Variants in ANKRD11 observed in about 807,000 individuals in gnomAD.
ANKRD11 encodes the protein ankyrin repeat domain 11, also known as ankyrin repeat domain-containing protein 11.
In ANKRD11, 17 loss-of-function variants were observed where a neutral mutation model predicts 195.7. The ratio of observed to expected loss-of-function variants is 0.09; its 90% confidence interval spans 0.06 to 0.13. The LOEUF (loss-of-function observed/expected upper bound fraction) is 0.13, where lower values mean the gene tolerates loss of function less well. Among genes scored for constraint, ANKRD11 ranks in the 10% least tolerant of loss-of-function variants. The pLI, the probability that ANKRD11 is intolerant of heterozygous loss-of-function variation, is 1.00. For missense variants in ANKRD11, 3,735 were observed against 3,566.1 expected, an observed-to-expected ratio of 1.05 and a Z score of -1.21; for synonymous variants, 1,953 against 1,528.1, an observed-to-expected ratio of 1.28 and a Z score of -6.49.
chr16:89,489,730 G>A (rs1296613784), intron 1 of ANKRD11, among the ~76,000 whole-genome samples: 2 of 148,888 alleles, frequency 1.3e-5, no homozygotes, highest in South Asian at 4.2e-4. Flanking sequence ...AGACCTGCAG[G>A]CCCGCCCCGA....
At chr16:89,448,521 T>C (rs951646757) in intron 1 of ANKRD11, among the ~76,000 whole-genome samples, 1 of 152,204 alleles carries the variant, frequency 6.6e-6, no homozygotes. Flanking sequence ...TTTTCTTAAA[T>C]TAGCCTTACT....
intron 3 of ANKRD11, among the ~76,000 whole-genome samples, chr16:89,312,038 C>T (rs1417728167): frequency 1.3e-5 from 2 of 152,196 alleles, no homozygotes; most frequent in Admixed American, 1.3e-4. Context: ...GCTGGGATTA[C>T]AGGCATGCAA....
At chr16:89,378,785 C>G (rs1037995880) in intron 2 of ANKRD11, among the ~76,000 whole-genome samples, 19 of 152,152 alleles carry the variant, frequency 1.2e-4, no homozygotes, top group Non-Finnish European at 2.9e-5. Flanking sequence ...GGGGTTTCAT[C>G]ATGTTGGCCA....
Position 89,281,940 on chromosome 16 carries a change from G to C in ANKRD11, c.4602C>G (p.Phe1534Leu). Residue 1534 changes from phenylalanine to leucine, a missense_variant, in exon 9 of 13, where the codon TTC becomes TTG. Phe to Leu is a conservative substitution (Grantham distance 22, BLOSUM62 0). Transcript: ENST00000301030. The surrounding 1 kb of genome is among the most constrained non-coding windows in gnomAD (Gnocchi z 5.5). ...CCTTTTCTTTCTCTGCACCGTCCTT[G>C]AATTTCTCCTTCAGTTTGGCATCGC... ...RLGDAKLKEKFKDGAEKEKGD... is the reference protein window; with the variant it reads ...RLGDAKLKEKLKDGAEKEKGD... The C allele has an allele frequency of 6.2e-7, 1 of 1,612,932 alleles. No individual in the cohort carries two copies. Among genetic ancestry groups the C allele is most frequent in the Non-Finnish European group, 8.5e-7 (1 of 1,180,030 alleles).
Position 89,275,074 on chromosome 16 carries a change from C to A in ANKRD11, c.7569+19G>T, listed in dbSNP as rs983326501. The A allele has an allele frequency of 1.9e-6, 3 of 1,612,584 alleles. No homozygotes were observed. The highest frequency in any genetic ancestry group is 2.5e-6 in the Non-Finnish European group (3 of 1,179,572). On this transcript the variant is annotated intron_variant, in intron 10 of 12. Coordinates refer to ENST00000301030, the MANE Select transcript of ANKRD11 (RefSeq NM_013275.6). The stretch of plus-strand genomic sequence containing the variant: ...AAGCCCTGGCCGTGGCGCCCCCCTG[C>A]CTGTGCCAGCCCACTTACCCGCTCG...
intron 1 of ANKRD11, among the ~76,000 whole-genome samples, chr16:89,454,257 C>T (rs1303834324): frequency 6.6e-6 from 1 of 152,080 alleles, no homozygotes; most frequent in Non-Finnish European, 1.5e-5. Flanking sequence ...GGCCACAGAC[C>T]ACAACTTCTG....
At position 89,282,725 on chromosome 16, in the gene ANKRD11, T is replaced by C; in HGVS notation, c.3817A>G (p.Ser1273Gly). The change falls in exon 9 of 13, where the codon AGT becomes GGT. Residue 1273 changes from serine (S) to glycine (G), a missense_variant. By Grantham distance (56) the Ser-to-Gly change is moderately conservative. Transcript: ENST00000301030. ...AGCAGGCTTTTTTCCGCGTCGGCACTTCTCGAGGACTTCCTCTCCTTGGAA... is the reference window on the plus strand; with the variant it reads ...AGCAGGCTTTTTTCCGCGTCGGCACCTCTCGAGGACTTCCTCTCCTTGGAA... ...EHSKERKSSR[S>G]ADAEKSLLEK... 1 of 1,613,930 alleles carries C rather than the reference T, an allele frequency of 6.2e-7. No homozygotes were observed. Among genetic ancestry groups the C allele is most frequent in the Non-Finnish European group, 8.5e-7 (1 of 1,179,998 alleles).
At chr16:89,303,629 A>C (rs2035981052) in intron 4 of ANKRD11, among the ~76,000 whole-genome samples, 1 of 152,134 alleles carries the variant, frequency 6.6e-6, no homozygotes, top group Non-Finnish European at 1.5e-5. Flanking sequence ...CCTGCCCCTC[A>C]CTTCCCATCT....
chr16:89,431,992 C>G lies in ANKRD11; in HGVS notation c.-144-13624G>C, dbSNP rs868174406. Among the ~76,000 whole-genome samples the G allele has an allele frequency of 2.4e-4, 37 of 152,248 alleles. 1 individual carries two copies. The highest frequency in any genetic ancestry group is 1.0e-3 in the South Asian group (5 of 4,826). On this transcript the variant is annotated intron_variant, in intron 1 of 12. Transcript: ENST00000301030. ...CTGTCCATTTCCAGCTCCCCCCCAT[C>G]ACTGTCACTCCTCCCTACTGCAACC...
chr16:89,290,647 G>T lies in ANKRD11; in HGVS notation c.579C>A (p.Asp193Glu). The part of the protein sequence containing the change: ...RIKELISEGA[D>E]VNVKDFAGWT... ...CACCTGCGAAGTCCTTGACGTTGACGTCTGCCCCCTCGCTGATGAGCTCTT... is the reference window on the plus strand; with the variant it reads ...CACCTGCGAAGTCCTTGACGTTGACTTCTGCCCCCTCGCTGATGAGCTCTT... Residue 193 changes from aspartate (D) to glutamate (E), a missense_variant, in exon 6 of 13, where the codon GAC becomes GAA. Physicochemically the swap from Asp to Glu is conservative, Grantham distance 45. Coordinates refer to ENST00000301030, the MANE Select transcript of ANKRD11 (RefSeq NM_013275.6). The T allele has an allele frequency of 6.2e-7, 1 of 1,613,460 alleles. No individual in the cohort carries two copies. The highest frequency in any genetic ancestry group is 8.5e-7 in the Non-Finnish European group (1 of 1,179,998).
intron 2 of ANKRD11, among the ~76,000 whole-genome samples, chr16:89,354,243 CAAAAA>C (rs5818711): frequency 7.9e-5 from 10 of 126,230 alleles, no homozygotes; most frequent in Non-Finnish European, 1.4e-4. Flanking sequence ...TGCATTCAGC[CAAAAA>C]AAAAAAAAAA....
chr16:89,275,013 T>A, intron 10 of ANKRD11, 56 bp from the exon 11 acceptor site: 1 of 1,612,932 alleles, frequency 6.2e-7, no homozygotes, highest in Non-Finnish European at 8.5e-7. Flanking sequence ...CAGGCCCCAC[T>A]GTCAACACGA....
chr16:89,334,660 A>G (rs867552278), intron 2 of ANKRD11, among the ~76,000 whole-genome samples: 1 of 152,126 alleles, frequency 6.6e-6, no homozygotes, highest in Non-Finnish European at 1.5e-5. Flanking sequence ...ATGAGGGGCC[A>G]CATCCACGAG....
chr16:89,411,273 A>C (rs551661740), intron 2 of ANKRD11, among the ~76,000 whole-genome samples: 1 of 152,312 alleles, frequency 6.6e-6, no homozygotes, highest in South Asian at 2.1e-4. Flanking sequence ...TTCTCTTTCA[A>C]ACTTGCAGCC....
At chr16:89,318,938 C>T (rs1325389656) in intron 2 of ANKRD11, among the ~76,000 whole-genome samples, 1 of 152,190 alleles carries the variant, frequency 6.6e-6, no homozygotes, top group Non-Finnish European at 1.5e-5. Context: ...TTTACATTCT[C>T]TTCCAATTTT....
intron 2 of ANKRD11, among the ~76,000 whole-genome samples, chr16:89,366,693 T>C (rs1280656763): frequency 1.3e-5 from 2 of 152,058 alleles, no homozygotes; most frequent in African/African-American, 4.8e-5. Flanking sequence ...TAGACAGAGG[T>C]GCGGCACAGT....
At chr16:89,485,488 TCAAAA>T (rs2057582180) in intron 1 of ANKRD11, among the ~76,000 whole-genome samples, 2 of 152,238 alleles carry the variant, frequency 1.3e-5, no homozygotes, top group South Asian at 2.1e-4. Flanking sequence ...AGACTCTGTC[TCAAAA>T]CAAAACAAAA....
intron 1 of ANKRD11, among the ~76,000 whole-genome samples, chr16:89,446,116 A>C (rs1597433954): frequency 6.6e-6 from 1 of 152,118 alleles, no homozygotes; most frequent in African/African-American, 2.4e-5. Flanking sequence ...AAAAAAAAAA[A>C]ACTGTTTAAA....
chr16:89,273,331 A>G (rs2033347089), intron 11 of ANKRD11, among the ~76,000 whole-genome samples: 1 of 152,106 alleles, frequency 6.6e-6, no homozygotes, highest in Non-Finnish European at 1.5e-5. Flanking sequence ...ACAGCCTCTC[A>G]CCTGCGGTAC....
Sources: gnomAD v4.1 joint callset for allele counts (sites outside exome capture counted in the v4.1 genomes callset) on GRCh38, gnomAD v4.1.1 for gene constraint, Gnocchi (gnomAD v3.1) non-coding constraint, MANE v1.5 for transcripts, NCBI Gene and HGNC (gene_info 2026-07-23, HGNC 2026-07-21) for gene names.